The following ODAD3 variants were observed in gnomAD, a reference collection of about 807,000 sequenced individuals.
The protein encoded by ODAD3 is outer dynein arm-docking complex subunit 3.
A neutral mutation model predicts 70.9 loss-of-function variants in ODAD3; 57 were observed. The observed-to-expected ratio is 0.80, with a 90% confidence interval of 0.65 to 1.00. The LOEUF is 1.00. ODAD3 is among the 50% of genes least tolerant of loss of function. The pLI, the probability that ODAD3 is intolerant of heterozygous loss-of-function variation, is 0.00. For synonymous variants in ODAD3, 327 were observed against 315.9 expected (o/e 1.04, Z -0.37); for missense variants, 797 against 763.9 (o/e 1.04, Z -0.51).
At position 11,434,802 on chromosome 19, in the gene ODAD3, G is replaced by C. The variant is rs1240593860; in HGVS notation, c.215C>G (p.Ala72Gly). 1 of 1,613,508 alleles carries C rather than the reference G, an allele frequency of 6.2e-7. No individual in the cohort carries two copies. Reference sequence around the variant, plus strand: ...CAGTTGTATCTTTTTATGTAACTCAGCCACCTGAGAGTGCACAGAGGGCTT... The same window carrying C: ...CAGTTGTATCTTTTTATGTAACTCACCCACCTGAGAGTGCACAGAGGGCTT... ...AGKPSVHSQVAELHKKIQLLE... is the reference protein window; with the variant it reads ...AGKPSVHSQVGELHKKIQLLE... Residue 72 changes from alanine (A) to glycine (G), a missense_variant, in exon 1 of 13, where the codon GCT becomes GGT. Coordinates refer to ENST00000356392, the MANE Select transcript of ODAD3 (RefSeq NM_145045.5).
chr19:11,434,221 A>AAC (rs1969581187), intron 1 of ODAD3, among the ~76,000 whole-genome samples: 1 of 147,234 alleles, frequency 6.8e-6, no homozygotes, highest in Admixed American at 6.7e-5. Flanking sequence ...TCAAAAAACA[A>AAC]AAAACAAAAC....
chr19:11,429,191 T>A (rs1440982575), intron 3 of ODAD3, among the ~76,000 whole-genome samples: 1 of 151,328 alleles, frequency 6.6e-6, no homozygotes, highest in Admixed American at 6.6e-5. Flanking sequence ...TAATTTTTTA[T>A]CTTTTGTTTT....
chr19:11,426,578 C>G lies in ODAD3; in HGVS notation c.715-7G>C. On this transcript the variant is annotated splice_region_variant and splice_polypyrimidine_tract_variant and intron_variant, in intron 5 of 12. Coordinates refer to ENST00000356392, the MANE Select transcript of ODAD3 (RefSeq NM_145045.5). ...CCAAGTTGAGGCTCTCGTCCTGGGG[C>G]GTGGTGGGGAGGGGTAGCGGAGATG... The G allele has an allele frequency of 6.2e-7, 1 of 1,613,912 alleles. No homozygotes were observed. Among genetic ancestry groups the G allele is most frequent in the Non-Finnish European group, 8.5e-7 (1 of 1,179,926 alleles).
In ODAD3 at chr19:11,425,236, CAT is replaced by C. The variant is rs1373736456; in HGVS notation, c.963+906_963+907del. ...ATGTGTATATATGTGTGTATATGTA[CAT>C]ATGTGTATATATGTATATGTACATA... On this transcript the variant is annotated intron_variant, in intron 7 of 12. Coordinates refer to ENST00000356392, the MANE Select transcript of ODAD3 (RefSeq NM_145045.5). 3.5e-3 allele frequency among the ~76,000 whole-genome samples: 399 copies of C among 115,632 alleles called. 81 individuals are homozygous for C. The highest frequency in any genetic ancestry group is 0.014 in the African/African-American group (353 of 25,274). 75.9% of individuals were successfully genotyped at this position (115,632 alleles called of 152,430 possible).
chr19:11,426,922 C>G lies in ODAD3; in HGVS notation c.563G>C (p.Arg188Pro). The G allele has an allele frequency of 6.2e-7, 1 of 1,610,430 alleles. No homozygotes were observed. Among genetic ancestry groups the G allele is most frequent in the Non-Finnish European group, 8.5e-7 (1 of 1,179,092 alleles). The part of the protein sequence containing the change: ...LEELQLQHSL[R>P]LLEMAEAQNR... The stretch of plus-strand genomic sequence containing the variant: ...TTGCGCCTCCGCCATCTCCAGAAGG[C>G]GCAGGCTGTGCTGCAGCTGGAGCTC... Residue 188 changes from arginine (R) to proline (P), a missense_variant, in exon 4 of 13, where the codon CGC becomes CCC. Physicochemically the swap from Arg to Pro is moderately radical, Grantham distance 103. Transcript: ENST00000356392.
Position 11,423,903 on chromosome 19 carries a change from C to A in ODAD3, c.1090G>T (p.Asp364Tyr). ...TGCGTCTCGTCAGTGCCAGTGGCGT[C>A]CTTGACCTTGCCAAAGATCACCTCC... ...QMEVIFGKVKDATGTDETHSL... is the reference protein window; with the variant it reads ...QMEVIFGKVKYATGTDETHSL... Residue 364 changes from aspartate (D) to tyrosine (Y), a missense_variant, in exon 8 of 13, where the codon GAC (aspartate) becomes TAC (tyrosine). Transcript: ENST00000356392. 4 of 1,612,926 alleles carry A rather than the reference C, an allele frequency of 2.5e-6. No homozygotes were observed. The highest frequency in any genetic ancestry group is 3.4e-6 in the Non-Finnish European group (4 of 1,179,902).
chr19:11,424,640 T>C (rs1202614390), intron 7 of ODAD3, among the ~76,000 whole-genome samples: 17 of 115,102 alleles, frequency 1.5e-4, no homozygotes, highest in African/African-American at 7.4e-4. Context: ...TGTATATATG[T>C]GTATATATAC....
At chr19:11,421,097 C>G in intron 12 of ODAD3, 31 bp downstream of exon 12, 1 of 1,610,304 alleles carries the variant, frequency 6.2e-7, no homozygotes, top group Non-Finnish European at 8.5e-7. Context: ...GGGCCCCAAC[C>G]GCACCCCTTC....
intron 3 of ODAD3, 22 bp from the exon 4 acceptor site, chr19:11,427,062 A>C: frequency 6.4e-7 from 1 of 1,550,908 alleles, no homozygotes; most frequent in African/African-American, 1.4e-5. Context: ...AGGGGAGCGA[A>C]AGCAGGAGCC....
Position 11,422,859 on chromosome 19 carries a change from C to T in ODAD3, c.1119G>A (p.Ser373=), listed in dbSNP as rs1164771754. ...CCTGGGCCAGGAACCGCCGCACCAA[C>T]GACTGCGGGCCACCCAGCCCCAGTC... The part of the protein sequence containing the change: ...KDATGTDETH[S]LVRRFLAQGD... The change falls in exon 9 of 13, where the codon TCG becomes TCA. Residue 373 remains serine (S), a splice_region_variant and synonymous_variant. Coordinates refer to ENST00000356392, the MANE Select transcript of ODAD3 (RefSeq NM_145045.5). This position sits in a 1 kb window ranked among gnomAD's most constrained non-coding sequence, Gnocchi z 4.6. 1.8e-5 allele frequency: 29 copies of T among 1,602,156 alleles called. 1 individual carries two copies. Among genetic ancestry groups the T allele is most frequent in the Non-Finnish European group, 2.0e-5 (24 of 1,179,628 alleles).
At chr19:11,424,567 A>ATATATGTG (rs1222041338) in intron 7 of ODAD3, among the ~76,000 whole-genome samples, 56 of 139,372 alleles carry the variant, frequency 4.0e-4, no homozygotes, top group Non-Finnish European at 7.3e-4. Flanking sequence ...GTATATATGT[A>ATATATGTG]TATATGTGTA....
chr19:11,425,163 A>G (rs555148790), intron 7 of ODAD3, among the ~76,000 whole-genome samples: 3 of 131,364 alleles, frequency 2.3e-5, no homozygotes, highest in South Asian at 4.7e-4. Context: ...ATATATACAT[A>G]TGTGTATATG....
intron 7 of ODAD3, 23 bp downstream of exon 7, chr19:11,426,121 C>T (rs1296988323): frequency 3.1e-6 from 5 of 1,596,862 alleles, no homozygotes; most frequent in Admixed American, 1.7e-5. Context: ...GAGTCACAGG[C>T]GCGCACCCCT....
chr19:11,432,303 C>T (rs1421037825), intron 1 of ODAD3, among the ~76,000 whole-genome samples: 1 of 152,110 alleles, frequency 6.6e-6, no homozygotes, highest in Non-Finnish European at 1.5e-5. Context: ...GAATGAAGTG[C>T]AGTGGTGCTA....
intron 1 of ODAD3, among the ~76,000 whole-genome samples, chr19:11,433,834 G>C (rs1472556593): frequency 2.0e-5 from 3 of 152,020 alleles, no homozygotes; most frequent in Non-Finnish European, 4.4e-5. Flanking sequence ...GGCTGAGGTG[G>C]AAGGATCGCT....
chr19:11,435,604 G>A, upstream of ODAD3: 2 of 1,046,052 alleles, frequency 1.9e-6, no homozygotes, highest in Non-Finnish European at 2.6e-6. Flanking sequence ...ACGTACGACC[G>A]GAAGTGACGG....
In ODAD3 at chr19:11,422,689, C is replaced by G. The variant is rs767022573; in HGVS notation, c.1277+12G>C. 39 of 1,611,162 alleles carry G rather than the reference C, an allele frequency of 2.4e-5. No homozygotes were observed. The East Asian group carries it at 8.5e-4, about 35-fold the overall frequency. ...CCGCCCCGCCGCCCTCCCCAGAGCC[C>G]CGGTGCCTCACCTCACCAGCGTGGC... On this transcript the variant is annotated intron_variant, in intron 9 of 12. Transcript: ENST00000356392. The surrounding 1 kb of genome is among the most constrained non-coding windows in gnomAD (Gnocchi z 4.6).
chr19:11,426,206 T>C lies in ODAD3; in HGVS notation c.901A>G (p.Ile301Val), dbSNP rs750661034. Residue 301 changes from isoleucine (I) to valine (V), a missense_variant, in exon 7 of 13, where the codon ATA becomes GTA. Coordinates refer to ENST00000356392, the MANE Select transcript of ODAD3 (RefSeq NM_145045.5). ...TCGGCGCGCTTCTTGCACTCACTTA[T>C]GTAGCGTTCCCGCTTCTTGCGCTCT... ...VRERKKRERY[I>V]SECKKRAEEK... 29 of 1,613,786 alleles carry C rather than the reference T, an allele frequency of 1.8e-5. No individual in the cohort carries two copies. Among genetic ancestry groups the C allele is most frequent in the African/African-American group, 6.7e-5 (5 of 74,916 alleles).
chr19:11,425,069 A>C (rs1013593406), intron 7 of ODAD3, among the ~76,000 whole-genome samples: 1 of 124,518 alleles, frequency 8.0e-6, no homozygotes, highest in South Asian at 2.4e-4. Flanking sequence ...ATGTGTATAT[A>C]TGTATATGTG....
Sources: allele counts gnomAD v4.1 joint callset (sites outside exome capture counted in the v4.1 genomes callset), GRCh38; gene constraint gnomAD v4.1.1; non-coding constraint Gnocchi (gnomAD v3.1); transcripts MANE v1.5; gene names NCBI Gene and HGNC (gene_info 2026-07-23, HGNC 2026-07-21).